The following PRRC2C variants were observed in gnomAD, a reference collection of about 807,000 sequenced individuals.
The protein encoded by PRRC2C is proline rich coiled-coil 2C.
In PRRC2C, 72 loss-of-function variants were observed where a neutral mutation model predicts 317.2. The observed-to-expected ratio is 0.23, with a 90% confidence interval of 0.19 to 0.28. The LOEUF (loss-of-function observed/expected upper bound fraction) is 0.28, where lower values mean the gene tolerates loss of function less well. Ranked by LOEUF, PRRC2C falls within the 10% of genes least tolerant of loss-of-function variation. The probability of loss-of-function intolerance (pLI) is 1.00; values close to 1 mark genes in which losing one functional copy is unlikely to be tolerated. For missense variants in PRRC2C, 3,074 were observed against 3,459.7 expected, an observed-to-expected ratio of 0.89 and a Z score of 2.80; for synonymous variants, 1,296 against 1,205.9, an observed-to-expected ratio of 1.07 and a Z score of -1.55.
chr1:171,505,324 G>A (rs1406204349), intron 1 of PRRC2C, among the ~76,000 whole-genome samples: 2 of 152,002 alleles, frequency 1.3e-5, no homozygotes, highest in East Asian at 1.9e-4. Context: ...CACCGTGTCC[G>A]GCTGTATTTC....
At chr1:171,555,401 G>A (rs1048947641) in intron 18 of PRRC2C, among the ~76,000 whole-genome samples, 4 of 152,140 alleles carry the variant, frequency 2.6e-5, no homozygotes, top group Non-Finnish European at 5.9e-5. Flanking sequence ...CTTGTGATGG[G>A]TTTGAACGTC....
chr1:171,510,388 C>G (rs1671116742), intron 1 of PRRC2C: 1 of 152,100 alleles, frequency 6.6e-6, no homozygotes, highest in Non-Finnish European at 1.5e-5. Context: ...AGCAAGTTGA[C>G]TGTTTTTCTT....
At chr1:171,537,509 A>G (rs1332900468) in intron 15 of PRRC2C, 36 bp downstream of exon 15, 1 of 1,514,006 alleles carries the variant, frequency 6.6e-7, no homozygotes, top group East Asian at 2.5e-5. Flanking sequence ...ATGATACAGA[A>G]TATTTTGGTA....
chr1:171,512,429 T>A, intron 2 of PRRC2C: 1 of 396,370 alleles, frequency 2.5e-6, no homozygotes, highest in East Asian at 6.2e-5. Flanking sequence ...TTCTCTGTTG[T>A]CAGCAGAAAA....
chr1:171,491,411 A>G (rs1208557838), intron 1 of PRRC2C, among the ~76,000 whole-genome samples: 1 of 152,210 alleles, frequency 6.6e-6, no homozygotes, highest in East Asian at 1.9e-4. Context: ...TAGGCCTCGC[A>G]GAGGGAACTG....
intron 1 of PRRC2C, among the ~76,000 whole-genome samples, chr1:171,490,159 C>T (rs549595087): frequency 7.9e-5 from 12 of 152,278 alleles, no homozygotes; most frequent in Admixed American, 3.9e-4. Flanking sequence ...CCTCGTGATC[C>T]GCCCACCTTG....
intron 1 of PRRC2C, among the ~76,000 whole-genome samples, chr1:171,504,883 G>C (rs753429986): frequency 4.6e-5 from 7 of 152,064 alleles, no homozygotes; most frequent in Non-Finnish European, 1.0e-4. Flanking sequence ...GAAAATAATT[G>C]ACATCTTAAT....
chr1:171,542,262 G>T, intron 16 of PRRC2C, 33 bp downstream of exon 16: 4 of 1,452,626 alleles, frequency 2.8e-6, no homozygotes, highest in Non-Finnish European at 3.7e-6. Flanking sequence ...AGTTGCTTTT[G>T]CACCTTTAAA....
At position 171,541,127 on chromosome 1, in the gene PRRC2C, C is replaced by T; in HGVS notation, c.3661C>T (p.Pro1221Ser). The change falls in exon 16 of 35, where the codon CCT (proline) becomes TCT (serine). Residue 1221 changes from proline (P) to serine (S), a missense_variant. This residue lies in a region of PRRC2C where 1,320 missense variants were observed against 1,395.7 expected (regional missense o/e 0.95). Coordinates refer to ENST00000647382, the MANE Select transcript of PRRC2C (RefSeq NM_001387844.1). The surrounding 1 kb of genome is among the most constrained non-coding windows in gnomAD (Gnocchi z 4.1). ...RGGRGHTRDY[P>S]QYRDNKPRAE... ...TGGTAGGGGACACACTCGAGATTAT[C>T]CTCAGTATAGAGACAATAAGCCAAG... The T allele has an allele frequency of 6.2e-7, 1 of 1,613,690 alleles. No individual in the cohort carries two copies. The highest frequency in any genetic ancestry group is 1.1e-5 in the South Asian group (1 of 91,040).
chr1:171,493,288 A>C (rs1667517889), intron 1 of PRRC2C, among the ~76,000 whole-genome samples: 1 of 152,166 alleles, frequency 6.6e-6, no homozygotes, highest in Non-Finnish European at 1.5e-5. Context: ...TCTTGGAGCA[A>C]GTACTTCTCT....
At chr1:171,526,788 TACATTCAG>T (rs945612648) in intron 10 of PRRC2C, among the ~76,000 whole-genome samples, 3 of 149,550 alleles carry the variant, frequency 2.0e-5, no homozygotes, top group African/African-American at 7.4e-5. Context: ...AGAAAATCAT[TACATTCAG>T]AAATATATCT....
Position 171,532,583 on chromosome 1 carries a change from A to G in PRRC2C, c.1495A>G (p.Lys499Glu). The change falls in exon 12 of 35, where the codon AAA becomes GAA. Residue 499 changes from lysine to glutamate, a missense_variant. Physicochemically the swap from Lys to Glu is moderately conservative, Grantham distance 56 (BLOSUM62 1). This residue lies in a region of PRRC2C where 1,320 missense variants were observed against 1,395.7 expected (regional missense o/e 0.95). Transcript: ENST00000647382. ...RLDEKLGILE[K>E]QPSPEEIRER... ...GGATGAGAAGCTTGGCATCCTGGAA[A>G]AACAACCATCTCCAGAGGAAATTAG... 1 of 1,563,198 alleles carries G rather than the reference A, an allele frequency of 6.4e-7. No homozygotes were observed. The highest frequency in any genetic ancestry group is 8.7e-7 in the Non-Finnish European group (1 of 1,153,640).
intron 12 of PRRC2C, among the ~76,000 whole-genome samples, chr1:171,534,282 A>G (rs975789596): frequency 1.5e-4 from 23 of 152,196 alleles, no homozygotes; most frequent in Non-Finnish European, 2.8e-4. Context: ...CTTATATTAC[A>G]TAAGTACTTA....
chr1:171,563,284 A>G (rs1485929156), intron 20 of PRRC2C, among the ~76,000 whole-genome samples: 1 of 152,142 alleles, frequency 6.6e-6, no homozygotes, highest in East Asian at 1.9e-4. Context: ...CCTATGCATA[A>G]CCTCCCTGTG....
rs1371349822 is a variant in PRRC2C, at chr1:171,532,405, A to G, written c.1317A>G (p.Gln439=). The change falls in exon 12 of 35, where the codon CAA becomes CAG. Residue 439 remains glutamine (Q), a synonymous_variant. Coordinates refer to ENST00000647382, the MANE Select transcript of PRRC2C (RefSeq NM_001387844.1). Reference sequence around the variant, plus strand: ...CAGGCCCCTTTCCCTCCAAGCAGCAAGTAGCTGATGAAGATGAAATATGGA... The same window carrying G: ...CAGGCCCCTTTCCCTCCAAGCAGCAGGTAGCTGATGAAGATGAAATATGGA... ...GRPGPFPSKQ[Q]VADEDEIWKQ... The G allele has an allele frequency of 3.1e-6, 5 of 1,613,866 alleles. No homozygotes were observed. Among genetic ancestry groups the G allele is most frequent in the African/African-American group, 1.3e-5 (1 of 74,930 alleles).
intron 17 of PRRC2C, among the ~76,000 whole-genome samples, chr1:171,547,774 G>A (rs1156246441): frequency 1.3e-5 from 2 of 151,118 alleles, no homozygotes; most frequent in East Asian, 2.0e-4. Flanking sequence ...CTCCTTAATA[G>A]TTAGGATTAC....
In PRRC2C at chr1:171,515,879, A is replaced by C; in HGVS notation, c.526+20A>C. On this transcript the variant is annotated intron_variant, in intron 5 of 34. Coordinates refer to ENST00000647382, the MANE Select transcript of PRRC2C (RefSeq NM_001387844.1). ...CACCAAGTAAGAGTACTTTCTCTTTAATACAAAATGAGATCATATTTGTGT... is the reference window on the plus strand; with the variant it reads ...CACCAAGTAAGAGTACTTTCTCTTTCATACAAAATGAGATCATATTTGTGT... 6.4e-7 allele frequency: 1 copy of C among 1,571,944 alleles called. No individual in the cohort carries two copies. Among genetic ancestry groups the C allele is most frequent in the Non-Finnish European group, 8.6e-7 (1 of 1,162,082 alleles).
At chr1:171,591,387 T>C (rs1046975375) in intron 34 of PRRC2C, 200 bp from the exon 35 acceptor site, 7 of 625,296 alleles carry the variant, frequency 1.1e-5, no homozygotes, top group Non-Finnish European at 1.6e-5. Flanking sequence ...TTTTTTTTTT[T>C]TTAAATCACA....
Position 171,584,402 on chromosome 1 carries a change from TA to T in PRRC2C, c.7642-11del, listed in dbSNP as rs1649385977. ...TTTTTCAGTCTTACTCATGTTTTCTTAAAAAATTTTTTCTAGGCCAGAGCAA... is the reference window on the plus strand; with the variant it reads ...TTTTTCAGTCTTACTCATGTTTTCTTAAAAATTTTTTCTAGGCCAGAGCAA... On this transcript the variant is annotated splice_polypyrimidine_tract_variant and intron_variant, in intron 29 of 34. Transcript: ENST00000647382. 1 of 1,535,960 alleles carries T rather than the reference TA, an allele frequency of 6.5e-7. No homozygotes were observed. The highest frequency in any genetic ancestry group is 2.4e-5 in the East Asian group (1 of 41,822).
Sources: gnomAD v4.1 joint callset for allele counts (sites outside exome capture counted in the v4.1 genomes callset) on GRCh38, gnomAD v4.1.1 for gene constraint, gnomAD v4.1.1 regional missense constraint, Gnocchi (gnomAD v3.1) non-coding constraint, MANE v1.5 for transcripts, NCBI Gene and HGNC (gene_info 2026-07-23, HGNC 2026-07-21) for gene names.